FAM83B: variants seen among roughly 807,000 people sequenced by gnomAD.
The protein encoded by FAM83B is scaffolding CK1 anchoring protein B, also known as protein FAM83B.
In FAM83B, 26 loss-of-function variants were observed where a neutral mutation model predicts 38.8. That is an observed-to-expected ratio of 0.67 (90% CI 0.49 to 0.93). The LOEUF is 0.93. FAM83B is among the 40% of genes least tolerant of loss of function. The probability of loss-of-function intolerance (pLI) is 0.00; values close to 1 mark genes in which losing one functional copy is unlikely to be tolerated. For synonymous variants in FAM83B, 419 were observed against 423.1 expected (o/e 0.99, Z 0.12); for missense variants, 1,237 against 1,197.3 (o/e 1.03, Z -0.49).
chr6:54,859,529 A>G (rs1387659147), intron 1 of FAM83B, among the ~76,000 whole-genome samples: 1 of 152,230 alleles, frequency 6.6e-6, no homozygotes, highest in Non-Finnish European at 1.5e-5. Flanking sequence ...AATCTCTGCC[A>G]TCATAGAGCT....
At chr6:54,892,808 G>T (rs984126807) in intron 2 of FAM83B, among the ~76,000 whole-genome samples, 2 of 151,946 alleles carry the variant, frequency 1.3e-5, no homozygotes, top group Non-Finnish European at 2.9e-5. Context: ...CCCTCCAAAA[G>T]GTGGAGCCAA....
chr6:54,886,349 A>G (rs1229501271), intron 2 of FAM83B, among the ~76,000 whole-genome samples: 1 of 151,988 alleles, frequency 6.6e-6, no homozygotes, highest in Admixed American at 6.6e-5. Context: ...AAGAGTTTGT[A>G]TAAGATTTCA....
chr6:54,935,044 A>G (rs1041581455), intron 4 of FAM83B, among the ~76,000 whole-genome samples: 5 of 152,190 alleles, frequency 3.3e-5, no homozygotes, highest in African/African-American at 7.2e-5. Flanking sequence ...TGTGTAGGAA[A>G]GAAAAAGAAA....
At position 54,940,165 on chromosome 6, in the gene FAM83B, A is replaced by G. The variant is rs774667525; in HGVS notation, c.1194A>G (p.Pro398=). The stretch of plus-strand genomic sequence containing the variant: ...CTGGGGAACAGCCAGAAACAGTGCC[A>G]TACCTCCTGCTTAATAGGGCTCTGA... ...SYAGEQPETV[P]YLLLNRALNR... Residue 398 remains proline, a synonymous_variant, in exon 5 of 5, where the codon CCA becomes CCG. Coordinates refer to ENST00000306858, the MANE Select transcript of FAM83B (RefSeq NM_001010872.3). The G allele has an allele frequency of 5.6e-6, 9 of 1,613,990 alleles. No individual in the cohort carries two copies. The highest frequency in any genetic ancestry group is 1.3e-5 in the African/African-American group (1 of 74,926).
chr6:54,861,962 T>C (rs1771595392), intron 1 of FAM83B, among the ~76,000 whole-genome samples: 1 of 152,182 alleles, frequency 6.6e-6, no homozygotes, highest in Non-Finnish European at 1.5e-5. Flanking sequence ...GTCTGGAGTC[T>C]GGAAGGTTTT....
chr6:54,862,971 C>A (rs1395910841), intron 1 of FAM83B, among the ~76,000 whole-genome samples: 1 of 151,880 alleles, frequency 6.6e-6, no homozygotes. Context: ...AATGAAGCTG[C>A]ACTTTGAAGG....
At chr6:54,915,946 G>C (rs1177978019) in intron 2 of FAM83B, among the ~76,000 whole-genome samples, 3 of 150,728 alleles carry the variant, frequency 2.0e-5, no homozygotes, top group Non-Finnish European at 4.4e-5. Flanking sequence ...GTTCACTGTT[G>C]TGCCTTATAG....
intron 2 of FAM83B, among the ~76,000 whole-genome samples, chr6:54,902,699 T>C (rs1428121266): frequency 6.7e-6 from 1 of 148,678 alleles, no homozygotes; most frequent in African/African-American, 2.6e-5. Context: ...AAATGTCAGA[T>C]TGTCTCCTCA....
intron 1 of FAM83B, among the ~76,000 whole-genome samples, chr6:54,858,018 A>C (rs553683086): frequency 6.6e-6 from 1 of 152,184 alleles, no homozygotes; most frequent in Non-Finnish European, 1.5e-5. Flanking sequence ...TCCACAAACC[A>C]ACTGGATATG....
At chr6:54,861,545 A>AAAAC (rs1235302905) in intron 1 of FAM83B, among the ~76,000 whole-genome samples, 1 of 152,240 alleles carries the variant, frequency 6.6e-6, no homozygotes, top group African/African-American at 2.4e-5. Context: ...CCCCACCTCC[A>AAAAC]AAACAAACAA....
rs933979112 is a variant in FAM83B at position 54,941,575 on chromosome 6, T to G, written c.2604T>G (p.Pro868=). The change falls in exon 5 of 5, where the codon CCT becomes CCG. Residue 868 remains proline (P), a synonymous_variant. Transcript: ENST00000306858. Reference sequence around the variant, plus strand: ...CACCAGATGAAAATAAAAGAACACCTTCTCCAGGTCCAGTTGAAAGCAAGT... The same window carrying G: ...CACCAGATGAAAATAAAAGAACACCGTCTCCAGGTCCAGTTGAAAGCAAGT... ...NAPPDENKRT[P]SPGPVESKFL... is the part of the protein sequence containing the mutation. The G allele has an allele frequency of 1.9e-6, 3 of 1,614,034 alleles. No individual in the cohort carries two copies. The highest frequency in any genetic ancestry group is 2.5e-6 in the Non-Finnish European group (3 of 1,179,996).
At chr6:54,883,987 T>A (rs992992225) in intron 2 of FAM83B, among the ~76,000 whole-genome samples, 1 of 151,928 alleles carries the variant, frequency 6.6e-6, no homozygotes, top group African/African-American at 2.4e-5. Flanking sequence ...CTGGCCAATA[T>A]AGGGAAACCC....
At chr6:54,875,497 T>C (rs1465109713) in intron 2 of FAM83B, among the ~76,000 whole-genome samples, 14 of 152,314 alleles carry the variant, frequency 9.2e-5, no homozygotes, top group Non-Finnish European at 4.4e-5. Flanking sequence ...GGAAATAATA[T>C]TTTGCTTAGT....
chr6:54,934,730 G>A (rs942678080), intron 4 of FAM83B, among the ~76,000 whole-genome samples: 1 of 152,132 alleles, frequency 6.6e-6, no homozygotes, highest in African/African-American at 2.4e-5. Flanking sequence ...AGGAAGGAGT[G>A]CTTCATGGGA....
intron 2 of FAM83B, among the ~76,000 whole-genome samples, chr6:54,916,852 T>C (rs1265610372): frequency 6.6e-6 from 1 of 152,206 alleles, no homozygotes; most frequent in Admixed American, 6.5e-5. Context: ...TCTACTTTTA[T>C]ATGTTATGTT....
chr6:54,907,790 T>G (rs1772807366), intron 2 of FAM83B, among the ~76,000 whole-genome samples: 2 of 152,126 alleles, frequency 1.3e-5, no homozygotes, highest in Non-Finnish European at 2.9e-5. Flanking sequence ...GAGGATATAT[T>G]AAAATTTGAA....
At chr6:54,923,866 CT>C (rs71547979) in intron 2 of FAM83B, among the ~76,000 whole-genome samples, 4,034 of 142,124 alleles carry the variant, frequency 0.028, 110 homozygotes, top group African/African-American at 0.078. Context: ...TTTCTTTTTT[CT>C]TTTTTTTTTT....
intron 2 of FAM83B, among the ~76,000 whole-genome samples, chr6:54,896,985 T>C (rs185730267): frequency 1.3e-5 from 2 of 152,320 alleles, no homozygotes; most frequent in East Asian, 1.9e-4. Context: ...ACAGTAAGAA[T>C]GCACAATACT....
chr6:54,928,410 T>C (rs1337044465), intron 4 of FAM83B, among the ~76,000 whole-genome samples: 1 of 152,220 alleles, frequency 6.6e-6, no homozygotes, highest in East Asian at 1.9e-4. Flanking sequence ...GGTTGCACTT[T>C]AGTTTGCTCC....
Sources: gnomAD v4.1 joint callset for allele counts (sites outside exome capture counted in the v4.1 genomes callset) on GRCh38, gnomAD v4.1.1 for gene constraint, MANE v1.5 for transcripts, NCBI Gene and HGNC (gene_info 2026-07-23, HGNC 2026-07-21) for gene names.